The following MARCO variants were observed in gnomAD, a reference collection of about 807,000 sequenced individuals.
MARCO encodes the protein macrophage receptor with collagenous structure, also known as macrophage receptor MARCO.
MARCO carries 72 observed loss-of-function variants against 70.0 expected under a neutral mutation model. The observed-to-expected ratio is 1.03, with a 90% confidence interval of 0.85 to 1.25. MARCO has a LOEUF of 1.25. Ranked by LOEUF, MARCO falls within the 50% of genes most tolerant of loss-of-function variation. The pLI is 0.00. For synonymous variants in MARCO, 273 were observed against 243.1 expected (o/e 1.12, Z -1.14); for missense variants, 696 against 659.3 (o/e 1.06, Z -0.61).
chr2:118,980,157 C>T lies in MARCO; in HGVS notation c.767-1252C>T, dbSNP rs574446224. Among the ~76,000 whole-genome samples, 5 of 152,356 alleles carry T rather than the reference C, an allele frequency of 3.3e-5. No homozygotes were observed. In the South Asian group the frequency reaches 8.3e-4, roughly 25 times the overall value. ...TGGTCCTGGCCCACAGCAAAAAAGG[C>T]ACCAACAGATTCCTCCAGGGAAACA... On this transcript the variant is annotated intron_variant, in intron 8 of 16. Coordinates refer to ENST00000327097, the MANE Select transcript of MARCO (RefSeq NM_006770.4).
intron 1 of MARCO, among the ~76,000 whole-genome samples, chr2:118,943,655 G>T (rs186641629): frequency 6.6e-6 from 1 of 152,350 alleles, no homozygotes; most frequent in African/African-American, 2.4e-5. Flanking sequence ...AAAGTTTAAA[G>T]GATAAAGGGA....
chr2:118,982,998 G>A (rs1318225333), intron 12 of MARCO, among the ~76,000 whole-genome samples: 1 of 152,224 alleles, frequency 6.6e-6, no homozygotes, highest in Admixed American at 6.5e-5. Context: ...CAGTGTGCTT[G>A]CTTGGTCTAG....
At chr2:118,954,563 A>T (rs1162000007) in intron 1 of MARCO, among the ~76,000 whole-genome samples, 1 of 152,134 alleles carries the variant, frequency 6.6e-6, no homozygotes, top group Non-Finnish European at 1.5e-5. Context: ...CCTCCACACT[A>T]CTACAGCTGA....
intron 12 of MARCO, among the ~76,000 whole-genome samples, chr2:118,988,771 C>T (rs921313725): frequency 8.5e-5 from 13 of 152,128 alleles, no homozygotes; most frequent in African/African-American, 2.4e-4. Flanking sequence ...AGGTCAATAG[C>T]AGACATTTTC....
chr2:118,957,725 G>A (rs575468572), intron 1 of MARCO, among the ~76,000 whole-genome samples: 44 of 152,040 alleles, frequency 2.9e-4, no homozygotes, highest in Middle Eastern at 3.4e-3. Flanking sequence ...CTACAGACCA[G>A]TATCCTTGAT....
chr2:118,951,175 C>G (rs1679715748), intron 1 of MARCO, among the ~76,000 whole-genome samples: 1 of 152,184 alleles, frequency 6.6e-6, no homozygotes, highest in Admixed American at 6.5e-5. Flanking sequence ...CCCATTGTGT[C>G]CTTTTCTCTC....
chr2:118,945,602 G>A (rs547143423), intron 1 of MARCO, among the ~76,000 whole-genome samples: 10 of 151,774 alleles, frequency 6.6e-5, no homozygotes, highest in Non-Finnish European at 1.2e-4. Flanking sequence ...TAGTAGAGAC[G>A]GGGTTTCACC....
At chr2:118,986,664 GGAAGGAAGGAAAGAAA>G (rs1434828155) in intron 12 of MARCO, among the ~76,000 whole-genome samples, 7 of 35,358 alleles carry the variant, frequency 2.0e-4, no homozygotes, top group African/African-American at 4.8e-4. Context: ...AAGGAAGGAA[GGAAGGAAGGAAAGAAA>G]GAAAGAAAGA....
At position 118,981,551 on chromosome 2, in the gene MARCO, C is replaced by CATTTTT. The variant is rs752363038; in HGVS notation, c.865+44_865+45insATTTTT. 1,744 of 1,447,488 alleles carry CATTTTT rather than the reference C, an allele frequency of 1.2e-3. 24 individuals carry two copies. Among genetic ancestry groups the CATTTTT allele is most frequent in the Admixed American group, 4.0e-3 (210 of 51,966 alleles). 89.7% of individuals were successfully genotyped at this position (1,447,488 alleles called of 1,614,324 possible). A position where few individuals can be genotyped will look rare whatever the true frequency, so the allele number is the denominator to read the frequency against. On this transcript the variant is annotated intron_variant, in intron 9 of 16. Transcript: ENST00000327097. ...ACATCCACTGACCTCTAGGTATTTC[C>CATTTTT]TTTTTTTTTTTTTTCTGGCTGGCTG...
Position 118,969,267 on chromosome 2 carries a change from G to T in MARCO, c.199+6G>T. ...TGGGCTGCTGGTGGTCCAAGGTAAA[G>T]CAGGCTTGGTCCTGTGTAGTCCCTC... On this transcript the variant is annotated splice_donor_region_variant and intron_variant, in intron 2 of 16. Transcript: ENST00000327097. 1 of 1,612,948 alleles carries T rather than the reference G, an allele frequency of 6.2e-7. No individual in the cohort carries two copies. The highest frequency in any genetic ancestry group is 8.5e-7 in the Non-Finnish European group (1 of 1,178,980).
intron 12 of MARCO, among the ~76,000 whole-genome samples, chr2:118,986,645 GAAAGAAA>G (rs1558671569): frequency 8.7e-4 from 39 of 44,978 alleles, no homozygotes; most frequent in African/African-American, 4.0e-3. Context: ...AAGAAAGAAA[GAAAGAAA>G]GAAGGAAGGA....
At chr2:118,985,671 T>C (rs1261768466) in intron 12 of MARCO, among the ~76,000 whole-genome samples, 2 of 152,262 alleles carry the variant, frequency 1.3e-5, no homozygotes, top group African/African-American at 2.4e-5. Flanking sequence ...ATTTTAGCTC[T>C]ACATGTCTTA....
chr2:118,963,344 C>T (rs1441219589), intron 1 of MARCO, among the ~76,000 whole-genome samples: 1 of 151,516 alleles, frequency 6.6e-6, no homozygotes, highest in African/African-American at 2.4e-5. Context: ...TCTTAATGAC[C>T]CATGCATTAT....
Position 118,986,679 on chromosome 2 carries a change from A to AAG in MARCO, c.1064-3908_1064-3907dup, listed in dbSNP as rs1239714164. On this transcript the variant is annotated intron_variant, in intron 12 of 16. Transcript: ENST00000327097. ...AAGGAAGGAAGGAAGGAAGGAAAGA[A>AAG]AGAAAGAAAGAAAGAAAGAAAGAAA... 8.6e-5 allele frequency among the ~76,000 whole-genome samples: 5 copies of AAG among 58,366 alleles called. 1 individual carries two copies. The highest frequency in any genetic ancestry group is 3.6e-4 in the African/African-American group (5 of 13,940). The allele number at this position is 58,366 out of a possible 152,430, so 38.3% of individuals were successfully genotyped here.
intron 2 of MARCO, 101 bp from the exon 3 acceptor site, chr2:118,970,013 A>T: frequency 9.6e-7 from 1 of 1,040,962 alleles, no homozygotes; most frequent in Non-Finnish European, 1.5e-6. Flanking sequence ...TTGTGTTTAC[A>T]AATTCAGGGC....
intron 1 of MARCO, among the ~76,000 whole-genome samples, chr2:118,946,295 T>A (rs1373213890): frequency 6.6e-6 from 1 of 152,172 alleles, no homozygotes; most frequent in Non-Finnish European, 1.5e-5. Flanking sequence ...TTGTACCAAT[T>A]CTATGCTTAA....
intron 12 of MARCO, among the ~76,000 whole-genome samples, chr2:118,990,015 A>G (rs1406808187): frequency 6.6e-6 from 1 of 152,232 alleles, no homozygotes; most frequent in Non-Finnish European, 1.5e-5. Context: ...GACCTTTAAC[A>G]TTAACTACAA....
At chr2:118,970,626 A>G (rs1293378463) in intron 3 of MARCO, among the ~76,000 whole-genome samples, 1 of 152,110 alleles carries the variant, frequency 6.6e-6, no homozygotes, top group Non-Finnish European at 1.5e-5. Flanking sequence ...AAGGCACCAA[A>G]CTAGTTCAGA....
At chr2:118,968,448 T>G (rs1680097330) in intron 1 of MARCO, among the ~76,000 whole-genome samples, 1 of 152,140 alleles carries the variant, frequency 6.6e-6, no homozygotes, top group Admixed American at 6.5e-5. Context: ...ATGATATCAT[T>G]TGTAAGATTA....
Sources: gnomAD v4.1 joint callset for allele counts (sites outside exome capture counted in the v4.1 genomes callset) on GRCh38, gnomAD v4.1.1 for gene constraint, MANE v1.5 for transcripts, NCBI Gene and HGNC (gene_info 2026-07-23, HGNC 2026-07-21) for gene names.